BLM: variants seen among roughly 807,000 people sequenced by gnomAD.
BLM encodes recQ-like DNA helicase BLM.
Under a neutral mutation model 135.3 loss-of-function variants are expected in BLM, and 95 were observed. The ratio of observed to expected loss-of-function variants is 0.70; its 90% confidence interval spans 0.59 to 0.83. BLM has a LOEUF of 0.83. BLM is among the 40% of genes least tolerant of loss of function. The pLI, the probability that BLM is intolerant of heterozygous loss-of-function variation, is 0.00. For synonymous variants in BLM, 520 were observed against 589.2 expected (o/e 0.88, Z 1.70); for missense variants, 1,518 against 1,663.9 (o/e 0.91, Z 1.53).
At chr15:90,769,733 A>G (rs1243779136) in intron 12 of BLM, 147 bp downstream of exon 12, 2 of 979,708 alleles carry the variant, frequency 2.0e-6, no homozygotes, top group Non-Finnish European at 3.1e-6. Flanking sequence ...TGGCAGCTAA[A>G]TCAGAACGTT....
chr15:90,798,186 A>T lies in BLM; in HGVS notation c.3211-4A>T. 6.3e-7 allele frequency: 1 copy of T among 1,599,018 alleles called. No homozygotes were observed. The highest frequency in any genetic ancestry group is 8.6e-7 in the Non-Finnish European group (1 of 1,168,156). On this transcript the variant is annotated splice_polypyrimidine_tract_variant and splice_region_variant and intron_variant, in intron 16 of 21. Transcript: ENST00000355112. The stretch of plus-strand genomic sequence containing the variant: ...AGCAGAAAGTATTCTCTTTTTATTC[A>T]TAGGATTATAAAACAAGAGATGTGA...
At chr15:90,752,715 C>T (rs1235834129) in intron 4 of BLM, among the ~76,000 whole-genome samples, 2 of 152,182 alleles carry the variant, frequency 1.3e-5, no homozygotes, top group Admixed American at 6.5e-5. Flanking sequence ...ATACTCCACA[C>T]GACTCATCAA....
intron 1 of BLM, among the ~76,000 whole-genome samples, chr15:90,737,623 A>G (rs962439260): frequency 3.3e-5 from 5 of 152,204 alleles, no homozygotes; most frequent in African/African-American, 4.8e-5. Context: ...ATATCTTGAG[A>G]CAATGAAAAC....
At chr15:90,734,661 ACGCG>A (rs1299972909) in intron 1 of BLM, among the ~76,000 whole-genome samples, 9 of 147,166 alleles carry the variant, frequency 6.1e-5, no homozygotes, top group African/African-American at 1.5e-4. Flanking sequence ...ATACACACAC[ACGCG>A]CGCACGCACG....
chr15:90,749,978 G>T lies in BLM; in HGVS notation c.710G>T (p.Cys237Phe). ...GAATGGTTAAGCAGCGATGTGATTTGCATCGATGATGGCCCCATTGCTGAA... is the reference window on the plus strand; with the variant it reads ...GAATGGTTAAGCAGCGATGTGATTTTCATCGATGATGGCCCCATTGCTGAA... Reference protein sequence around the residue: ...DSEWLSSDVICIDDGPIAEVH... With the variant: ...DSEWLSSDVIFIDDGPIAEVH... Residue 237 changes from cysteine (C) to phenylalanine (F), a missense_variant, in exon 3 of 22, where the codon TGC (cysteine) becomes TTC (phenylalanine). Cys to Phe is a radical substitution (Grantham distance 205). Around this residue, in one of 5 missense-constraint regions of BLM, gnomAD observed 724 missense variants for 756.9 expected, o/e 0.96. Transcript: ENST00000355112. 4.3e-6 allele frequency: 7 copies of T among 1,614,216 alleles called. No homozygotes were observed. The highest frequency in any genetic ancestry group is 5.9e-6 in the Non-Finnish European group (7 of 1,180,044).
chr15:90,752,058 AT>A (rs1415332450), intron 4 of BLM, 112 bp downstream of exon 4: 19 of 1,057,600 alleles, frequency 1.8e-5, no homozygotes, highest in Non-Finnish European at 2.4e-5. Context: ...TTCTACAATT[AT>A]TTTACATTCA....
At chr15:90,735,780 A>G (rs1009882303) in intron 1 of BLM, among the ~76,000 whole-genome samples, 21 of 152,140 alleles carry the variant, frequency 1.4e-4, no homozygotes, top group African/African-American at 4.6e-4. Flanking sequence ...AAAGAGGGGG[A>G]AAAATTGGCT....
intron 19 of BLM, among the ~76,000 whole-genome samples, chr15:90,805,649 G>A (rs1897271023): frequency 6.6e-6 from 1 of 150,406 alleles, no homozygotes; most frequent in Non-Finnish European, 1.5e-5. Flanking sequence ...TCAGCCAGGT[G>A]TGGTGGTGGG....
At chr15:90,803,231 G>A (rs1419830091) in intron 17 of BLM, among the ~76,000 whole-genome samples, 1 of 151,802 alleles carries the variant, frequency 6.6e-6, no homozygotes, top group Admixed American at 6.6e-5. Context: ...GTGATAGGAA[G>A]CTATTATGGT....
chr15:90,760,847 T>C lies in BLM; in HGVS notation c.1474T>C (p.Phe492Leu), dbSNP rs764182382. ...TRKNLFERPL[F>L]NTHLQKSFVS... The stretch of plus-strand genomic sequence containing the variant: ...GAAGAATCTTTTTGAAAGGCCTTTA[T>C]TCAATACCCATTTACAGAAGTCCTT... The change falls in exon 7 of 22, where the codon TTC (phenylalanine) becomes CTC (leucine). Residue 492 changes from phenylalanine (F) to leucine (L), a missense_variant. Physicochemically the swap from Phe to Leu is conservative, Grantham distance 22. Coordinates refer to ENST00000355112, the MANE Select transcript of BLM (RefSeq NM_000057.4). 15 of 1,613,986 alleles carry C rather than the reference T, an allele frequency of 9.3e-6. No homozygotes were observed. The highest frequency in any genetic ancestry group is 2.2e-5 in the East Asian group (1 of 44,894).
At chr15:90,771,931 G>T (rs1188504722) in intron 12 of BLM, among the ~76,000 whole-genome samples, 2 of 152,082 alleles carry the variant, frequency 1.3e-5, no homozygotes, top group Non-Finnish European at 2.9e-5. Context: ...GTACTGTGGG[G>T]AAGAGATCTG....
chr15:90,765,868 C>T (rs1239918109), intron 9 of BLM, among the ~76,000 whole-genome samples: 3 of 152,118 alleles, frequency 2.0e-5, no homozygotes, highest in Non-Finnish European at 4.4e-5. Flanking sequence ...ATCCCAGTGA[C>T]TTGGAAGGCA....
At chr15:90,763,413 T>A (rs1896039712) in intron 8 of BLM, among the ~76,000 whole-genome samples, 1 of 152,214 alleles carries the variant, frequency 6.6e-6, no homozygotes, top group South Asian at 2.1e-4. Flanking sequence ...TCTTTGGGAA[T>A]TTTTCTTTTT....
At chr15:90,786,091 C>T (rs1896742731) in intron 14 of BLM, among the ~76,000 whole-genome samples, 1 of 149,104 alleles carries the variant, frequency 6.7e-6, no homozygotes, top group Non-Finnish European at 1.5e-5. Context: ...GCAGACCGTA[C>T]CTCAAACAAT....
At chr15:90,804,113 A>G (rs1897229978) in intron 18 of BLM, 54 bp from the exon 19 acceptor site, 7 of 1,506,536 alleles carry the variant, frequency 4.6e-6, no homozygotes, top group Non-Finnish European at 3.7e-6. Flanking sequence ...AAGCCCCTGT[A>G]TGGGTACAAG....
At chr15:90,743,982 C>T (rs1895436067) in intron 1 of BLM, among the ~76,000 whole-genome samples, 2 of 152,150 alleles carry the variant, frequency 1.3e-5, no homozygotes, top group Admixed American at 1.3e-4. Context: ...GTAATCACTA[C>T]AGTTATAAAA....
At chr15:90,802,595 A>G (rs1283057399) in intron 17 of BLM, among the ~76,000 whole-genome samples, 2 of 152,198 alleles carry the variant, frequency 1.3e-5, no homozygotes, top group Non-Finnish European at 2.9e-5. Context: ...ATTATAAACT[A>G]GTAGCAGTTT....
intron 1 of BLM, among the ~76,000 whole-genome samples, chr15:90,721,038 A>G (rs546918754): frequency 6.6e-6 from 1 of 152,340 alleles, no homozygotes; most frequent in South Asian, 2.1e-4. Flanking sequence ...ACCAAAAAAT[A>G]AAATAAAAAT....
intron 1 of BLM, among the ~76,000 whole-genome samples, chr15:90,723,975 AT>A (rs1056551663): frequency 4.7e-5 from 7 of 149,126 alleles, no homozygotes; most frequent in African/African-American, 4.9e-5. Context: ...ATGTTGCAGG[AT>A]TTTTTTTTTA....
Sources: allele counts gnomAD v4.1 joint callset (sites outside exome capture counted in the v4.1 genomes callset), GRCh38; gene constraint gnomAD v4.1.1; regional missense constraint gnomAD v4.1.1; transcripts MANE v1.5; gene names NCBI Gene and HGNC (gene_info 2026-07-23, HGNC 2026-07-21).